PAK5: variants seen among roughly 807,000 people sequenced by gnomAD.
PAK5 encodes p21 (RAC1) activated kinase 5.
Under a neutral mutation model 65.9 loss-of-function variants are expected in PAK5, and 16 were observed. That is an observed-to-expected ratio of 0.24 (90% CI 0.16 to 0.37). PAK5 has a LOEUF of 0.37. Among genes scored for constraint, PAK5 ranks in the 10% least tolerant of loss-of-function variants. The pLI, the probability that PAK5 is intolerant of heterozygous loss-of-function variation, is 1.00. For missense variants in PAK5, 785 were observed against 903.9 expected (o/e 0.87, Z 1.69); for synonymous variants, 371 against 354.9 (o/e 1.05, Z -0.51).
At chr20:9,805,556 T>C (rs940030221) in intron 1 of PAK5, among the ~76,000 whole-genome samples, 21 of 152,156 alleles carry the variant, frequency 1.4e-4, no homozygotes, top group African/African-American at 3.6e-4. Context: ...AGGAACAAAA[T>C]ACTGATACAT....
intron 2 of PAK5, among the ~76,000 whole-genome samples, chr20:9,645,833 G>T (rs1195573521): frequency 6.6e-6 from 1 of 152,108 alleles, no homozygotes; most frequent in East Asian, 1.9e-4. Flanking sequence ...TGATCCGCCC[G>T]CCTCGGCCTC....
At chr20:9,690,750 CTTTTTTTTTT>C (rs112955560) in intron 2 of PAK5, among the ~76,000 whole-genome samples, 6 of 103,978 alleles carry the variant, frequency 5.8e-5, no homozygotes, top group African/African-American at 1.9e-4. Context: ...TTCTTTCTTT[CTTTTTTTTTT>C]TTTTTTTTTT....
At chr20:9,689,452 C>T (rs2047762976) in intron 2 of PAK5, among the ~76,000 whole-genome samples, 1 of 152,220 alleles carries the variant, frequency 6.6e-6, no homozygotes, top group Admixed American at 6.5e-5. Context: ...CTTCACCCCT[C>T]TTCTTCCTTT....
At chr20:9,830,591 T>G (rs148560303) in intron 1 of PAK5, among the ~76,000 whole-genome samples, 1 of 152,304 alleles carries the variant, frequency 6.6e-6, no homozygotes, top group East Asian at 1.9e-4. Context: ...TGCTTCTGCT[T>G]CATTGTTTCT....
At chr20:9,689,149 G>A (rs1429470109) in intron 2 of PAK5, among the ~76,000 whole-genome samples, 4 of 152,134 alleles carry the variant, frequency 2.6e-5, no homozygotes, top group Non-Finnish European at 5.9e-5. Context: ...TCTCTCCTCA[G>A]GTACTGCTTC....
chr20:9,707,997 C>G (rs972528438), intron 2 of PAK5, among the ~76,000 whole-genome samples: 2 of 152,170 alleles, frequency 1.3e-5, no homozygotes, highest in African/African-American at 4.8e-5. Flanking sequence ...AAGTGATACT[C>G]TTTTTACTGA....
chr20:9,728,330 C>T (rs767472777), intron 1 of PAK5, among the ~76,000 whole-genome samples: 16 of 152,082 alleles, frequency 1.1e-4, no homozygotes, highest in South Asian at 2.1e-4. Flanking sequence ...CACCCAATCC[C>T]GGGTACTTTG....
Position 9,771,582 on chromosome 20 carries a change from A to ATTTTTTTTTTTTTTTTTT in PAK5, c.-161-60165_-161-60148dup, listed in dbSNP as rs545140358. On this transcript the variant is annotated intron_variant, in intron 1 of 9. Coordinates refer to ENST00000353224, the MANE Select transcript of PAK5 (RefSeq NM_177990.4). ...GCCACCACATTCAGTCAATTTTTTA[A>ATTTTTTTTTTTTTTTTTT]TTTTTTTTTTTTTTTTTTGTAGAAA... 2.2e-3 allele frequency among the ~76,000 whole-genome samples: 237 copies of ATTTTTTTTTTTTTTTTTT among 109,710 alleles called. 6 individuals are homozygous for ATTTTTTTTTTTTTTTTTT. The highest frequency in any genetic ancestry group is 7.2e-3 in the African/African-American group (204 of 28,288). The allele number at this position is 109,710 out of a possible 152,430, so 72.0% of individuals were successfully genotyped here.
intron 7 of PAK5, among the ~76,000 whole-genome samples, chr20:9,553,365 G>A (rs2045459634): frequency 1.3e-5 from 2 of 152,040 alleles, no homozygotes; most frequent in African/African-American, 4.8e-5. Flanking sequence ...AAGTCATTGT[G>A]GTTTTTGCCA....
chr20:9,632,397 C>T (rs953548404), intron 3 of PAK5, among the ~76,000 whole-genome samples: 1 of 152,168 alleles, frequency 6.6e-6, no homozygotes, highest in African/African-American at 2.4e-5. Context: ...TGAAAGCTCA[C>T]TCATTTGCTT....
chr20:9,771,523 T>C (rs6056854), intron 1 of PAK5, among the ~76,000 whole-genome samples: 116,042 of 150,252 alleles, frequency 0.77, 44,847 homozygotes, highest in East Asian at 0.87. Flanking sequence ...ACCCTCCCAC[T>C]CAGCCTCCCA....
intron 1 of PAK5, among the ~76,000 whole-genome samples, chr20:9,814,412 G>T (rs1019080249): frequency 1.3e-5 from 2 of 152,074 alleles, no homozygotes; most frequent in Non-Finnish European, 2.9e-5. Context: ...AAAAATGATT[G>T]TGGTTAATAT....
intron 1 of PAK5, among the ~76,000 whole-genome samples, chr20:9,795,167 C>T (rs1049464210): frequency 6.6e-6 from 1 of 152,046 alleles, no homozygotes; most frequent in Non-Finnish European, 1.5e-5. Flanking sequence ...AGAAATCAGT[C>T]TATAGGCAAA....
At chr20:9,656,760 T>A (rs2123317094) in intron 2 of PAK5, among the ~76,000 whole-genome samples, 1 of 152,304 alleles carries the variant, frequency 6.6e-6, no homozygotes, top group East Asian at 1.9e-4. Context: ...GTTAAGCACA[T>A]AAAATACTGC....
chr20:9,827,961 A>G lies in PAK5; in HGVS notation c.-162+10801T>C, dbSNP rs145556158. 2.4e-3 allele frequency among the ~76,000 whole-genome samples: 367 copies of G among 152,286 alleles called. 3 individuals carry two copies. The highest frequency in any genetic ancestry group is 8.1e-3 in the African/African-American group (335 of 41,566). ...ATTCTCTTGCCTCAGCATCCCAAGT[A>G]GCTGGGATCACAGGCGTGCGCCACC... is the stretch of plus-strand genomic sequence containing the variant. On this transcript the variant is annotated intron_variant, in intron 1 of 9. Transcript: ENST00000353224.
At chr20:9,825,450 C>T (rs1350403970) in intron 1 of PAK5, among the ~76,000 whole-genome samples, 1 of 152,136 alleles carries the variant, frequency 6.6e-6, no homozygotes, top group Non-Finnish European at 1.5e-5. Flanking sequence ...GCTGTGAGCA[C>T]AGTTGCATTG....
At chr20:9,736,657 C>T (rs1445675800) in intron 1 of PAK5, among the ~76,000 whole-genome samples, 1 of 152,162 alleles carries the variant, frequency 6.6e-6, no homozygotes, top group Non-Finnish European at 1.5e-5. Context: ...GTTGAAAGTG[C>T]TCATCTTATA....
At chr20:9,733,777 C>G (rs898240057) in intron 1 of PAK5, among the ~76,000 whole-genome samples, 2 of 152,156 alleles carry the variant, frequency 1.3e-5, no homozygotes, top group Non-Finnish European at 2.9e-5. Flanking sequence ...CATTACTCGT[C>G]TTAGTTCCTG....
intron 1 of PAK5, among the ~76,000 whole-genome samples, chr20:9,731,579 G>A (rs962048428): frequency 6.6e-5 from 10 of 152,092 alleles, no homozygotes; most frequent in African/African-American, 2.4e-4. Flanking sequence ...AACCAGAGAG[G>A]AAAACAATGA....
Sources: gnomAD v4.1 joint callset for allele counts (sites outside exome capture counted in the v4.1 genomes callset) on GRCh38, gnomAD v4.1.1 for gene constraint, MANE v1.5 for transcripts, NCBI Gene and HGNC (gene_info 2026-07-23, HGNC 2026-07-21) for gene names.